CACNA1D: variants seen among roughly 807,000 people sequenced by gnomAD.
CACNA1D encodes calcium voltage-gated channel subunit alpha1 D, also known as voltage-dependent L-type calcium channel subunit alpha-1D.
CACNA1D carries 55 observed loss-of-function variants against 257.1 expected under a neutral mutation model. The ratio of observed to expected loss-of-function variants is 0.21; its 90% CI spans 0.17 to 0.27. CACNA1D has a LOEUF of 0.27. CACNA1D is among the 10% of genes least tolerant of loss of function. The pLI is 1.00. For synonymous variants in CACNA1D, 980 were observed against 1,014.9 expected (o/e 0.97, Z 0.65); for missense variants, 1,876 against 2,784.0 (o/e 0.67, Z 7.34).
chr3:53,653,356 T>C (rs1317573185), intron 4 of CACNA1D, among the ~76,000 whole-genome samples: 1 of 151,906 alleles, frequency 6.6e-6, no homozygotes. Flanking sequence ...TATGAAGAAA[T>C]GTGACCCATA....
At chr3:53,686,988 A>G (rs1256819182) in intron 8 of CACNA1D, among the ~76,000 whole-genome samples, 2 of 152,044 alleles carry the variant, frequency 1.3e-5, no homozygotes, top group Non-Finnish European at 2.9e-5. Flanking sequence ...ATTCCTGTAT[A>G]CAAGCTGCAG....
chr3:53,507,072 C>CAAAA lies in CACNA1D; in HGVS notation c.483+5370_483+5373dup, dbSNP rs781421977. 5.4e-3 allele frequency among the ~76,000 whole-genome samples: 305 copies of CAAAA among 56,372 alleles called. 1 individual carries two copies. Among genetic ancestry groups the CAAAA allele is most frequent in the Non-Finnish European group, 7.1e-3 (209 of 29,516 alleles). 37.0% of individuals were successfully genotyped at this position (56,372 alleles called of 152,430 possible). ...TGGGTGACAGAGCAAGACTCTATCT[C>CAAAA]AAAAAAAAAAAAAAAAAAAAACAAA... On this transcript the variant is annotated intron_variant, in intron 3 of 47. Coordinates refer to ENST00000350061, the MANE Select transcript of CACNA1D (RefSeq NM_001128840.3).
intron 10 of CACNA1D, among the ~76,000 whole-genome samples, chr3:53,719,370 C>T (rs973782923): frequency 6.6e-6 from 1 of 152,194 alleles, no homozygotes; most frequent in African/African-American, 2.4e-5. Flanking sequence ...CCCATACTCA[C>T]CCAGTGGGAG....
At chr3:53,790,261 C>T (rs2095476915) in intron 40 of CACNA1D, among the ~76,000 whole-genome samples, 1 of 152,198 alleles carries the variant, frequency 6.6e-6, no homozygotes, top group African/African-American at 2.4e-5. Flanking sequence ...GTCCTCCTCC[C>T]AGCAGACAGC....
chr3:53,751,663 T>A lies in CACNA1D; in HGVS notation c.3517-86T>A. 1 of 1,369,722 alleles carries A rather than the reference T, an allele frequency of 7.3e-7. No individual in the cohort carries two copies. 84.8% of individuals were successfully genotyped at this position (1,369,722 alleles called of 1,614,324 possible). ...CGGCCCCTTCCCGGGAGCTGTAGGG[T>A]GAGCTCTTTCAGAGCAGATGACCAC... On this transcript the variant is annotated intron_variant, in intron 27 of 47. Transcript: ENST00000350061. The surrounding 1 kb of genome is among the most constrained non-coding windows in gnomAD (Gnocchi z 4.3).
Position 53,811,250 on chromosome 3 carries a change from C to T in CACNA1D, c.6330C>T (p.Asn2110=), listed in dbSNP as rs182807648. 1.6e-5 allele frequency: 26 copies of T among 1,614,022 alleles called. No individual in the cohort carries two copies. Among genetic ancestry groups the T allele is most frequent in the East Asian group, 4.5e-5 (2 of 44,864 alleles). The stretch of plus-strand genomic sequence containing the variant: ...CAGCCAGCACCCTGCTTAATGGGAA[C>T]GTGCGTCCCCGAGCCAACGGGGATG... ...ESAASTLLNG[N]VRPRANGDVG... is the part of the protein sequence containing the mutation. Residue 2110 remains asparagine, a synonymous_variant, in exon 48 of 48, where the codon AAC becomes AAT. Coordinates refer to ENST00000350061, the MANE Select transcript of CACNA1D (RefSeq NM_001128840.3). This position sits in a 1 kb window ranked among gnomAD's most constrained non-coding sequence, Gnocchi z 4.2.
intron 3 of CACNA1D, among the ~76,000 whole-genome samples, chr3:53,511,923 G>A (rs542720272): frequency 1.2e-3 from 176 of 152,228 alleles, no homozygotes; most frequent in African/African-American, 4.0e-3. Context: ...TTACTCTAAT[G>A]TAATTTAAAT....
chr3:53,731,099 A>G lies in CACNA1D; in HGVS notation c.2359A>G (p.Lys787Glu). ...IARKESLENK[K>E]NNKPEVNQIA... ...TAGAAAAGAGAGCCTAGAAAATAAA[A>G]AGAACAACAAACCAGAAGTCAACCA... The change falls in exon 17 of 48, where the codon AAG becomes GAG. Residue 787 changes from lysine (K) to glutamate (E), a missense_variant. Physicochemically the swap from Lys to Glu is moderately conservative, Grantham distance 56. Around this residue, in one of 10 missense-constraint regions of CACNA1D, gnomAD observed 78 missense variants for 69.2 expected, o/e 1.13. Coordinates refer to ENST00000350061, the MANE Select transcript of CACNA1D (RefSeq NM_001128840.3). 6.2e-7 allele frequency: 1 copy of G among 1,610,232 alleles called. No homozygotes were observed. Among genetic ancestry groups the G allele is most frequent in the South Asian group, 1.1e-5 (1 of 90,982 alleles).
intron 11 of CACNA1D, 139 bp downstream of exon 11, chr3:53,719,920 A>T: frequency 1.2e-6 from 1 of 851,224 alleles, no homozygotes; most frequent in South Asian, 1.3e-5. Flanking sequence ...GCAGTCAGTC[A>T]ATTGAATCCT....
chr3:53,596,433 C>T (rs1226420986), intron 3 of CACNA1D, among the ~76,000 whole-genome samples: 2 of 151,490 alleles, frequency 1.3e-5, no homozygotes, highest in Non-Finnish European at 2.9e-5. Flanking sequence ...TGGAAAATGG[C>T]CCCCCCCAAA....
intron 8 of CACNA1D, among the ~76,000 whole-genome samples, chr3:53,691,405 A>C (rs2094518140): frequency 6.6e-6 from 1 of 151,868 alleles, no homozygotes; most frequent in South Asian, 2.1e-4. Context: ...CTCCCAATTG[A>C]AGAATACCTC....
At chr3:53,752,317 C>A (rs1166200540) in intron 28 of CACNA1D, among the ~76,000 whole-genome samples, 1 of 152,154 alleles carries the variant, frequency 6.6e-6, no homozygotes, top group Non-Finnish European at 1.5e-5. Context: ...ATTTCTTTAT[C>A]AGTAAAATGG....
intron 9 of CACNA1D, among the ~76,000 whole-genome samples, chr3:53,713,220 C>T (rs940089773): frequency 1.3e-5 from 2 of 152,190 alleles, no homozygotes; most frequent in Non-Finnish European, 2.9e-5. Context: ...TTCTGCCTTC[C>T]TGCAGTTATA....
At chr3:53,541,799 G>C (rs887886962) in intron 3 of CACNA1D, among the ~76,000 whole-genome samples, 2 of 152,134 alleles carry the variant, frequency 1.3e-5, no homozygotes. Flanking sequence ...TCGCGTAGGG[G>C]AGTTGTGATG....
chr3:53,781,530 G>A (rs367690212), intron 38 of CACNA1D, 36 bp from the exon 39 acceptor site: 4 of 1,388,552 alleles, frequency 2.9e-6, no homozygotes, highest in Non-Finnish European at 4.1e-6. Flanking sequence ...GAACAGAAAT[G>A]AGGCTTGCTT....
In CACNA1D at chr3:53,495,555, G is replaced by A. The variant is rs1183781697; in HGVS notation, c.67+322G>A. Among the ~76,000 whole-genome samples, 1 of 152,160 alleles carries A rather than the reference G, an allele frequency of 6.6e-6. No homozygotes were observed. Among genetic ancestry groups the A allele is most frequent in the Non-Finnish European group, 1.5e-5 (1 of 68,018 alleles). ...CTCAACTTTCCTTCAACGCCCCCGA[G>A]CGATGGCAGGAGGGCCGCAAGTCTT... On this transcript the variant is annotated intron_variant, in intron 1 of 47. Transcript: ENST00000350061. This position sits in a 1 kb window ranked among gnomAD's most constrained non-coding sequence, Gnocchi z 5.1.
chr3:53,660,938 G>A (rs898989244), intron 5 of CACNA1D, among the ~76,000 whole-genome samples: 8 of 152,224 alleles, frequency 5.3e-5, no homozygotes, highest in Admixed American at 3.3e-4. Flanking sequence ...TTAGCCGTTA[G>A]GCCCTACCAT....
At chr3:53,671,586 C>G (rs1459904454) in intron 7 of CACNA1D, among the ~76,000 whole-genome samples, 2 of 152,226 alleles carry the variant, frequency 1.3e-5, no homozygotes, top group Non-Finnish European at 2.9e-5. Context: ...CAGCCACAGC[C>G]CAGGCTCATT....
At chr3:53,629,112 T>C (rs1052713688) in intron 3 of CACNA1D, among the ~76,000 whole-genome samples, 30 of 152,218 alleles carry the variant, frequency 2.0e-4, no homozygotes, top group African/African-American at 6.3e-4. Context: ...AAAAGCAGCC[T>C]TAGACAAGAA....
Sources: allele counts gnomAD v4.1 joint callset (sites outside exome capture counted in the v4.1 genomes callset), GRCh38; gene constraint gnomAD v4.1.1; regional missense constraint gnomAD v4.1.1; non-coding constraint Gnocchi (gnomAD v3.1); transcripts MANE v1.5; gene names NCBI Gene and HGNC (gene_info 2026-07-23, HGNC 2026-07-21).